The following USP14 variants were observed in gnomAD, a reference collection of about 807,000 sequenced individuals.
USP14 encodes the protein ubiquitin carboxyl-terminal hydrolase 14.
A neutral mutation model predicts 76.5 loss-of-function variants in USP14; 38 were observed. The observed-to-expected ratio is 0.50, with a 90% CI of 0.38 to 0.65. USP14 has a LOEUF of 0.65. USP14 is among the 30% of genes least tolerant of loss of function. The pLI, the probability that USP14 is intolerant of heterozygous loss-of-function variation, is 0.00. For synonymous variants in USP14, 192 were observed against 191.7 expected, an observed-to-expected ratio of 1.00 and a Z score of -0.01; for missense variants, 467 against 586.5, an observed-to-expected ratio of 0.80 and a Z score of 2.10.
Position 197,640 on chromosome 18 carries a change from A to G in USP14, c.619A>G (p.Met207Val), listed in dbSNP as rs1168692510. The change falls in exon 8 of 16, where the codon ATG becomes GTG. Residue 207 changes from methionine (M) to valine (V), a missense_variant. Transcript: ENST00000261601. ...GGATGCTAATGAATGTTGGATACAAATGATGCGAGTATTGCAACAGAAATT... is the reference window on the plus strand; with the variant it reads ...GGATGCTAATGAATGTTGGATACAAGTGATGCGAGTATTGCAACAGAAATT... ...QQDANECWIQ[M>V]MRVLQQKLEA... The G allele has an allele frequency of 1.9e-6, 3 of 1,612,470 alleles. No homozygotes were observed. The highest frequency in any genetic ancestry group is 2.5e-6 in the Non-Finnish European group (3 of 1,179,102).
intron 13 of USP14, among the ~76,000 whole-genome samples, chr18:208,550 T>C (rs1343898877): frequency 6.6e-6 from 1 of 152,176 alleles, no homozygotes; most frequent in Non-Finnish European, 1.5e-5. Flanking sequence ...GTGATTTCAC[T>C]ATATCCTATG....
chr18:214,611 GAAAA>G lies in USP14; in HGVS notation c.*3334_*3337del, dbSNP rs752029619. ...AAATCTATCACAGTTTTAATAAAAA[GAAAA>G]AAAAAAGAAGCTAACTATTTGTCTC... is the stretch of plus-strand genomic sequence containing the variant. On this transcript the variant is annotated 3_prime_UTR_variant, in exon 16 of 16. Coordinates refer to ENST00000261601, the MANE Select transcript of USP14 (RefSeq NM_005151.4). 6.3e-6 allele frequency: 9 copies of G among 1,422,572 alleles called. No homozygotes were observed. The Admixed American group carries it at 1.2e-4, about 19-fold the overall frequency. 88.1% of individuals were successfully genotyped at this position (1,422,572 alleles called of 1,614,324 possible).
intron 9 of USP14, among the ~76,000 whole-genome samples, chr18:198,552 G>A (rs538188235): frequency 6.6e-6 from 1 of 152,130 alleles, no homozygotes; most frequent in Admixed American, 6.6e-5. Flanking sequence ...ATACAATAAT[G>A]GAAATTAGGA....
chr18:199,366 G>A (rs374334237), intron 10 of USP14, 50 bp downstream of exon 10: 26 of 1,341,304 alleles, frequency 1.9e-5, no homozygotes, highest in South Asian at 1.8e-4. Flanking sequence ...CCATGTTTGC[G>A]AGTAAGCCAA....
chr18:187,232 GTAT>G (rs1044622309), intron 5 of USP14, among the ~76,000 whole-genome samples: 33 of 152,098 alleles, frequency 2.2e-4, no homozygotes, highest in African/African-American at 5.5e-4. Flanking sequence ...TTTATCATAT[GTAT>G]TATTATTAAA....
intron 3 of USP14, among the ~76,000 whole-genome samples, chr18:174,976 A>AT (rs1909587529): frequency 6.6e-6 from 1 of 151,936 alleles, no homozygotes; most frequent in Admixed American, 6.5e-5. Flanking sequence ...GGGTTTTGCC[A>AT]TGTTGGCCAG....
At chr18:180,590 A>G (rs1374160360) in intron 5 of USP14, among the ~76,000 whole-genome samples, 2 of 152,004 alleles carry the variant, frequency 1.3e-5, no homozygotes, top group Middle Eastern at 3.2e-3. Flanking sequence ...TAACCCCTTC[A>G]CCCACCTCTA....
At chr18:163,189 C>T in intron 1 of USP14, 119 bp from the exon 2 acceptor site, 7 of 877,204 alleles carry the variant, frequency 8.0e-6, no homozygotes, top group South Asian at 1.9e-5. Flanking sequence ...GTGTTATGGG[C>T]ATAGAAAGAT....
chr18:174,258 G>A (rs1218940585), intron 3 of USP14, among the ~76,000 whole-genome samples: 2 of 137,802 alleles, frequency 1.5e-5, no homozygotes, highest in African/African-American at 5.4e-5. Flanking sequence ...AGTATTTCAC[G>A]TTTTTCTTTC....
chr18:200,780 G>GTTTAT (rs150097778), intron 10 of USP14, among the ~76,000 whole-genome samples: 10 of 151,960 alleles, frequency 6.6e-5, no homozygotes, highest in Admixed American at 1.3e-4. Context: ...AATTAGGATT[G>GTTTAT]TTTATTTTAT....
chr18:192,649 C>T (rs1910122324), intron 5 of USP14, among the ~76,000 whole-genome samples, 193 bp from the exon 6 acceptor site: 1 of 151,806 alleles, frequency 6.6e-6, no homozygotes, highest in Non-Finnish European at 1.5e-5. Context: ...ATCTAAATTC[C>T]CTTTTCAGCA....
chr18:185,880 T>A (rs897728392), intron 5 of USP14, among the ~76,000 whole-genome samples: 9 of 140,972 alleles, frequency 6.4e-5, no homozygotes, highest in African/African-American at 2.3e-4. Flanking sequence ...TTTTTTTTTT[T>A]AAGTAGAGAC....
chr18:178,419 G>A (rs1311149317), intron 3 of USP14, among the ~76,000 whole-genome samples: 1 of 152,118 alleles, frequency 6.6e-6, no homozygotes, highest in Non-Finnish European at 1.5e-5. Flanking sequence ...AACATTATTA[G>A]GTGTTTTTAT....
chr18:191,815 C>A (rs771853977), intron 5 of USP14, among the ~76,000 whole-genome samples: 1 of 152,040 alleles, frequency 6.6e-6, no homozygotes, highest in Non-Finnish European at 1.5e-5. Flanking sequence ...TGATTTTAGT[C>A]ACTCTAATGG....
intron 1 of USP14, among the ~76,000 whole-genome samples, chr18:160,937 T>A (rs1909101627): frequency 6.6e-6 from 1 of 152,120 alleles, no homozygotes; most frequent in South Asian, 2.1e-4. Context: ...TATTTTTTTT[T>A]ATTTTTTGAG....
At position 213,774 on chromosome 18, in the gene USP14, G is replaced by GCTA. The variant is rs1417444220; in HGVS notation, c.*2499_*2501dup. On this transcript the variant is annotated 3_prime_UTR_variant, in exon 16 of 16. Transcript: ENST00000261601. ...AGAAAAGTCGGTGGTACTGTCTTCT[G>GCTA]CTACTACTACTTAGTGCTTTGCTGT... The GCTA allele has an allele frequency of 6.6e-6, 1 of 152,202 alleles. No homozygotes were observed. The highest frequency in any genetic ancestry group is 1.5e-5 in the Non-Finnish European group (1 of 68,046). 9.4% of individuals were successfully genotyped at this position (152,202 alleles called of 1,614,324 possible).
intron 4 of USP14, 30 bp downstream of exon 4, chr18:179,067 T>C: frequency 2.0e-6 from 3 of 1,511,498 alleles, no homozygotes; most frequent in Non-Finnish European, 2.7e-6. Context: ...ATGTGTTTGA[T>C]CACTACTTTT....
chr18:203,553 G>A (rs1164587637), intron 12 of USP14, among the ~76,000 whole-genome samples: 4 of 151,910 alleles, frequency 2.6e-5, no homozygotes, highest in South Asian at 2.1e-4. Flanking sequence ...TGATTCAGTA[G>A]GCTTGGAGAT....
At chr18:210,742 A>G (rs1449106281) in intron 15 of USP14, among the ~76,000 whole-genome samples, 1 of 152,234 alleles carries the variant, frequency 6.6e-6, no homozygotes, top group Non-Finnish European at 1.5e-5. Context: ...TGTAAAAACA[A>G]AATGAGTGAG....
Sources: allele counts gnomAD v4.1 joint callset (sites outside exome capture counted in the v4.1 genomes callset), GRCh38; gene constraint gnomAD v4.1.1; transcripts MANE v1.5; gene names NCBI Gene and HGNC (gene_info 2026-07-23, HGNC 2026-07-21).